SERPINB12: variants seen among roughly 807,000 people sequenced by gnomAD.
SERPINB12 encodes serpin B12.
A neutral mutation model predicts 41.1 loss-of-function variants in SERPINB12; 57 were observed. That is an observed-to-expected ratio of 1.39 (90% CI 1.12 to 1.73). SERPINB12 has a LOEUF of 1.73. Ranked by LOEUF, SERPINB12 falls within the 40% of genes most tolerant of loss-of-function variation. The pLI is 0.00. For synonymous variants in SERPINB12, 180 were observed against 181.3 expected (o/e 0.99, Z 0.06); for missense variants, 536 against 501.9 (o/e 1.07, Z -0.65).
In SERPINB12 at chr18:63,559,483, C is replaced by G. The variant is rs553066634; in HGVS notation, c.304-95C>G. 125 of 1,272,526 alleles carry G rather than the reference C, an allele frequency of 9.8e-5. No homozygotes were observed. In the Middle Eastern group the frequency reaches 2.2e-3, roughly 22 times the overall value. The allele number at this position is 1,272,526 out of a possible 1,614,324, so 78.8% of individuals were successfully genotyped here. A position where few individuals can be genotyped will look rare whatever the true frequency, so the allele number is the denominator to read the frequency against. On this transcript the variant is annotated intron_variant, in intron 3 of 7. Transcript: ENST00000382768. ...ACAGCTGACATCTTACTAAGAAGCT[C>G]TATCTTGCTTCTGTACAAAACACGC...
At chr18:63,551,052 G>C (rs1489053030) in intron 1 of SERPINB12, among the ~76,000 whole-genome samples, 1 of 151,976 alleles carries the variant, frequency 6.6e-6, no homozygotes, top group Non-Finnish European at 1.5e-5. Flanking sequence ...GGCAGATCAC[G>C]AGGTCAGGAG....
At chr18:63,527,848 A>G in the SERPINB12 span, among the ~76,000 whole-genome samples, 9 of 152,184 alleles carry the variant, frequency 5.9e-5, no homozygotes, top group African/African-American at 2.2e-4. Context: ...CCCCACTCAA[A>G]TCTCATCTTG....
chr18:63,555,305 C>T (rs1224865199), intron 1 of SERPINB12, among the ~76,000 whole-genome samples: 2 of 152,096 alleles, frequency 1.3e-5, no homozygotes, highest in African/African-American at 4.8e-5. Context: ...ATTTGCTGGG[C>T]ATATCCTCAG....
chr18:63,527,493 G>C, the SERPINB12 span, among the ~76,000 whole-genome samples: 1 of 152,152 alleles, frequency 6.6e-6, no homozygotes, highest in Non-Finnish European at 1.5e-5. Context: ...TCTTCTGGTG[G>C]GGGAAGTGGA....
At chr18:63,551,796 T>A (rs915106540) in intron 1 of SERPINB12, among the ~76,000 whole-genome samples, 7 of 152,256 alleles carry the variant, frequency 4.6e-5, no homozygotes, top group African/African-American at 1.7e-4. Flanking sequence ...CTTGCTAAAG[T>A]GGTCCTATTT....
chr18:63,522,063 G>T, the SERPINB12 span, among the ~76,000 whole-genome samples: 1 of 152,140 alleles, frequency 6.6e-6, no homozygotes, highest in Non-Finnish European at 1.5e-5. Context: ...TTTTATCACA[G>T]ATAATCAAAA....
the SERPINB12 span, among the ~76,000 whole-genome samples, chr18:63,525,264 C>G: frequency 3.3e-5 from 5 of 151,992 alleles, no homozygotes. Flanking sequence ...TATAATTTTT[C>G]CCATCGAAAA....
the SERPINB12 span, among the ~76,000 whole-genome samples, chr18:63,530,217 C>G: frequency 5.2e-3 from 786 of 152,224 alleles, 3 homozygotes; most frequent in African/African-American, 0.018. Flanking sequence ...AAGGCTGAAG[C>G]CAGTATTGCT....
chr18:63,558,464 C>G lies in SERPINB12; in HGVS notation c.281C>G (p.Thr94Arg), dbSNP rs150898369. The change falls in exon 3 of 8, where the codon ACG (threonine) becomes AGG (arginine). Residue 94 changes from threonine (T) to arginine (R), a missense_variant. Thr to Arg is a moderately conservative substitution (Grantham distance 71). Coordinates refer to ENST00000382768, the MANE Select transcript of SERPINB12 (RefSeq NM_001307928.2). The part of the protein sequence containing the change: ...ADSSLEGQKK[T>R]TEPLDQQAGS... ...AGCTCTCTGGAGGGGCAGAAAAAAA[C>G]GACAGAGCCTCTGGATCAGCAGGTG... 2 of 1,612,868 alleles carry G rather than the reference C, an allele frequency of 1.2e-6. No individual in the cohort carries two copies. Among genetic ancestry groups the G allele is most frequent in the Non-Finnish European group, 1.7e-6 (2 of 1,179,558 alleles).
the SERPINB12 span, among the ~76,000 whole-genome samples, chr18:63,525,138 A>G: frequency 1.3e-5 from 2 of 152,050 alleles, no homozygotes; most frequent in Non-Finnish European, 2.9e-5. Flanking sequence ...TCTTTCTCAC[A>G]TGCTTACTGG....
At chr18:63,528,424 A>AAATAAATAAATAAATC in the SERPINB12 span, among the ~76,000 whole-genome samples, 2 of 151,472 alleles carry the variant, frequency 1.3e-5, no homozygotes, top group Non-Finnish European at 3.0e-5. Context: ...ATAAATAAAT[A>AAATAAATAAATAAATC]AATCCTATAA....
chr18:63,525,117 A>AT, the SERPINB12 span, among the ~76,000 whole-genome samples: 1 of 152,026 alleles, frequency 6.6e-6, no homozygotes, highest in Admixed American at 6.6e-5. Context: ...CACAGCTATA[A>AT]TTTTTTAATT....
chr18:63,565,730 G>A (rs1000569707), intron 7 of SERPINB12, 118 bp downstream of exon 7: 4 of 779,194 alleles, frequency 5.1e-6, no homozygotes, highest in Admixed American at 6.4e-5. Context: ...GAGACATCAA[G>A]GAATGTGTAA....
the SERPINB12 span, among the ~76,000 whole-genome samples, chr18:63,532,065 C>T: frequency 6.6e-6 from 1 of 152,176 alleles, no homozygotes; most frequent in Non-Finnish European, 1.5e-5. Context: ...TTAATACAAA[C>T]CTATCAGATG....
In SERPINB12 at chr18:63,556,200, A is replaced by C; in HGVS notation, c.41A>C (p.Asp14Ala). Residue 14 changes from aspartate (D) to alanine (A), a missense_variant, in exon 2 of 8, where the codon GAT becomes GCT. Transcript: ENST00000382768. ...ACAGCAAACACCAAATTTTGCTTTG[A>C]TCTTTTTCAAGAGATAGGCAAAGAT... ...LVTANTKFCF[D>A]LFQEIGKDDR... 6.2e-7 allele frequency: 1 copy of C among 1,613,938 alleles called. No individual in the cohort carries two copies. The highest frequency in any genetic ancestry group is 8.5e-7 in the Non-Finnish European group (1 of 1,179,922).
chr18:63,545,807 C>T (rs1031247361), intron 1 of SERPINB12, among the ~76,000 whole-genome samples: 5 of 151,996 alleles, frequency 3.3e-5, no homozygotes, highest in African/African-American at 7.2e-5. Context: ...AAATAATTCA[C>T]GTGTTAAAAT....
intron 5 of SERPINB12, among the ~76,000 whole-genome samples, chr18:63,562,036 A>T (rs1910927417): frequency 6.6e-6 from 1 of 152,180 alleles, no homozygotes; most frequent in Non-Finnish European, 1.5e-5. Context: ...AACAAAACAA[A>T]AAAGCATGGT....
chr18:63,533,896 G>A, the SERPINB12 span, among the ~76,000 whole-genome samples: 1 of 57,392 alleles, frequency 1.7e-5, no homozygotes, highest in African/African-American at 5.7e-5. Context: ...TTGGGGCTGA[G>A]AAATAGGCAT....
the SERPINB12 span, among the ~76,000 whole-genome samples, chr18:63,523,769 T>G: frequency 6.6e-6 from 1 of 152,104 alleles, no homozygotes; most frequent in East Asian, 1.9e-4. Flanking sequence ...GAAAAAAAAG[T>G]TATAGGAACT....
Sources: allele counts gnomAD v4.1 joint callset (sites outside exome capture counted in the v4.1 genomes callset), GRCh38; gene constraint gnomAD v4.1.1; transcripts MANE v1.5; gene names NCBI Gene and HGNC (gene_info 2026-07-23, HGNC 2026-07-21).